RYR3: variants seen among roughly 807,000 people sequenced by gnomAD.
RYR3 encodes the protein brain ryanodine receptor-calcium release channel.
A neutral mutation model predicts 584.3 loss-of-function variants in RYR3; 207 were observed. The observed-to-expected ratio is 0.35, with a 90% CI of 0.32 to 0.40. RYR3 has a LOEUF of 0.40. RYR3 is among the 10% of genes least tolerant of loss of function. The pLI is 1.00. For synonymous variants in RYR3, 2,416 were observed against 2,248.5 expected (o/e 1.07, Z -2.11); for missense variants, 5,616 against 6,089.2 (o/e 0.92, Z 2.59).
At chr15:33,606,761 C>T (rs748698877) in intron 18 of RYR3, among the ~76,000 whole-genome samples, 101 of 152,090 alleles carry the variant, frequency 6.6e-4, no homozygotes, top group Non-Finnish European at 1.0e-3. Context: ...TCAGAGCAGC[C>T]TACACAGTAT....
chr15:33,752,882 C>T (rs2071453891), intron 57 of RYR3, among the ~76,000 whole-genome samples: 1 of 151,958 alleles, frequency 6.6e-6, no homozygotes, highest in African/African-American at 2.4e-5. Flanking sequence ...CATTTGATAC[C>T]TTATTTGATA....
At chr15:33,586,903 G>T (rs935248764) in intron 16 of RYR3, among the ~76,000 whole-genome samples, 2 of 152,066 alleles carry the variant, frequency 1.3e-5, no homozygotes, top group East Asian at 3.8e-4. Context: ...GATATTCAAC[G>T]GCTCAGGAGG....
rs769489461 is a variant in RYR3, at chr15:33,748,215, A to T, written c.8091A>T (p.Gln2697His). The T allele has an allele frequency of 1.9e-6, 3 of 1,613,994 alleles. No individual in the cohort carries two copies. The highest frequency in any genetic ancestry group is 2.5e-6 in the Non-Finnish European group (3 of 1,179,892). The change falls in exon 54 of 104, where the codon CAA (glutamine) becomes CAT (histidine). Residue 2697 changes from glutamine to histidine, a missense_variant. Gln to His is a conservative substitution (Grantham distance 24). Coordinates refer to ENST00000634891, the MANE Select transcript of RYR3 (RefSeq NM_001036.6). ...CCAAAGAGGGAGAAGCTTTGGTTCAACAGCGGGAAAATGAGAAGCTTCGAA... is the reference window on the plus strand; with the variant it reads ...CCAAAGAGGGAGAAGCTTTGGTTCATCAGCGGGAAAATGAGAAGCTTCGAA... Reference protein sequence around the residue: ...ERTKEGEALVQQRENEKLRSV... With the variant: ...ERTKEGEALVHQRENEKLRSV...
At chr15:33,862,591 G>A (rs1022995750) in intron 102 of RYR3, among the ~76,000 whole-genome samples, 4 of 152,250 alleles carry the variant, frequency 2.6e-5, no homozygotes, top group Middle Eastern at 3.4e-3. Flanking sequence ...TTTGCTGGGG[G>A]ATGAGTTTAA....
intron 1 of RYR3, among the ~76,000 whole-genome samples, chr15:33,373,988 G>A (rs1254435207): frequency 6.6e-6 from 1 of 152,082 alleles, no homozygotes; most frequent in Non-Finnish European, 1.5e-5. Context: ...TTTAGGTGAT[G>A]GTTTAAAATC....
intron 102 of RYR3, among the ~76,000 whole-genome samples, chr15:33,863,177 A>T (rs1461271934): frequency 6.6e-6 from 1 of 152,076 alleles, no homozygotes; most frequent in East Asian, 1.9e-4. Context: ...GAAAGAACCC[A>T]ATTTTATTCG....
chr15:33,613,173 T>C lies in RYR3; in HGVS notation c.2165-10T>C. ...GTTCCACAGCCTTCTTCCTGTTCTT[T>C]CCTCACCAGGCCGGATACCCAGAGC... On this transcript the variant is annotated splice_polypyrimidine_tract_variant and intron_variant, in intron 18 of 103. Coordinates refer to ENST00000634891, the MANE Select transcript of RYR3 (RefSeq NM_001036.6). The C allele has an allele frequency of 6.2e-7, 1 of 1,611,466 alleles. No individual in the cohort carries two copies. Among genetic ancestry groups the C allele is most frequent in the Non-Finnish European group, 8.5e-7 (1 of 1,178,262 alleles).
intron 43 of RYR3, among the ~76,000 whole-genome samples, chr15:33,708,095 T>C (rs2066846341): frequency 6.6e-6 from 1 of 152,224 alleles, no homozygotes; most frequent in Non-Finnish European, 1.5e-5. Context: ...CCTTCTTGTT[T>C]ATCACCAGCT....
At chr15:33,818,272 T>C (rs1006801167) in intron 75 of RYR3, among the ~76,000 whole-genome samples, 1 of 152,198 alleles carries the variant, frequency 6.6e-6, no homozygotes, top group African/African-American at 2.4e-5. Context: ...GGTCAGCTGA[T>C]TGGAGTCTGT....
rs560264002 is a variant in RYR3 at position 33,390,351 on chromosome 15, C to T, written c.51+79255C>T. Reference sequence around the variant, plus strand: ...AGTATACCTGGGGGTCTCTAAATTTCACCTGACCTATTGAACACTAATATT... The same window carrying T: ...AGTATACCTGGGGGTCTCTAAATTTTACCTGACCTATTGAACACTAATATT... On this transcript the variant is annotated intron_variant, in intron 1 of 103. Transcript: ENST00000634891. This position sits in a 1 kb window ranked among gnomAD's most constrained non-coding sequence, Gnocchi z 4.2. Among the ~76,000 whole-genome samples the T allele has an allele frequency of 6.6e-6, 1 of 152,340 alleles. No individual in the cohort carries two copies. The highest frequency in any genetic ancestry group is 1.5e-5 in the Non-Finnish European group (1 of 68,042).
intron 1 of RYR3, among the ~76,000 whole-genome samples, chr15:33,423,928 T>C (rs919349448): frequency 3.9e-5 from 6 of 152,192 alleles, no homozygotes; most frequent in African/African-American, 1.4e-4. Flanking sequence ...TGAAATATCC[T>C]CCAATGCACC....
intron 38 of RYR3, among the ~76,000 whole-genome samples, chr15:33,688,856 C>T (rs2065203815): frequency 6.6e-6 from 1 of 152,068 alleles, no homozygotes; most frequent in Admixed American, 6.6e-5. Context: ...ACCATTTGAT[C>T]CGGCAATCCC....
Position 33,689,767 on chromosome 15 carries a change from G to A in RYR3, c.5861-6451G>A, listed in dbSNP as rs1156457799. Among the ~76,000 whole-genome samples, 3 of 103,778 alleles carry A rather than the reference G, an allele frequency of 2.9e-5. No homozygotes were observed. The Admixed American group carries it at 3.8e-4, about 13-fold the overall frequency. The allele number at this position is 103,778 out of a possible 152,430, so 68.1% of individuals were successfully genotyped here. A position where few individuals can be genotyped will look rare whatever the true frequency, so the allele number is the denominator to read the frequency against. The stretch of plus-strand genomic sequence containing the variant: ...TACTATAGGAGTTATACCTTCTTAT[G>A]AATTGTCTTATTTCCTAATTGTCTG... On this transcript the variant is annotated intron_variant, in intron 38 of 103. Transcript: ENST00000634891.
chr15:33,791,258 T>C (rs2075136896), intron 67 of RYR3, among the ~76,000 whole-genome samples: 1 of 152,070 alleles, frequency 6.6e-6, no homozygotes, highest in African/African-American at 2.4e-5. Context: ...GCTATGAACA[T>C]GTAAGAGAGA....
At chr15:33,815,624 C>T (rs1014706583) in intron 74 of RYR3, among the ~76,000 whole-genome samples, 3 of 152,172 alleles carry the variant, frequency 2.0e-5, no homozygotes, top group East Asian at 1.9e-4. Flanking sequence ...TTTAGAGGGG[C>T]TGCTATGGGT....
Position 33,406,236 on chromosome 15 carries a change from C to G in RYR3, c.52-67183C>G, listed in dbSNP as rs537792033. On this transcript the variant is annotated intron_variant, in intron 1 of 103. Transcript: ENST00000634891. ...ATCCCATTGGATGCCAAGGAAATGC[C>G]TTCTTTTTTTACCACCTTCTCTGAT... Among the ~76,000 whole-genome samples, 6 of 152,308 alleles carry G rather than the reference C, an allele frequency of 3.9e-5. 1 individual carries two copies. In the South Asian group the frequency reaches 6.2e-4, roughly 16 times the overall value.
intron 1 of RYR3, among the ~76,000 whole-genome samples, chr15:33,372,350 C>A (rs1005560105): frequency 4.1e-5 from 6 of 147,470 alleles, no homozygotes; most frequent in African/African-American, 1.5e-4. Flanking sequence ...CTCTGCCATG[C>A]CCGGCTAATT....
chr15:33,635,845 C>T (rs767078989), intron 26 of RYR3, 26 bp downstream of exon 26: 2 of 1,579,868 alleles, frequency 1.3e-6, no homozygotes, highest in South Asian at 1.1e-5. Context: ...TAGCAAACAC[C>T]CATCCTCAGA....
At chr15:33,660,733 G>A (rs1415548778) in intron 34 of RYR3, among the ~76,000 whole-genome samples, 1 of 152,214 alleles carries the variant, frequency 6.6e-6, no homozygotes, top group East Asian at 1.9e-4. Context: ...ACAGGAAGGG[G>A]AAGACTCTAG....
Sources: gnomAD v4.1 joint callset for allele counts (sites outside exome capture counted in the v4.1 genomes callset) on GRCh38, gnomAD v4.1.1 for gene constraint, Gnocchi (gnomAD v3.1) non-coding constraint, MANE v1.5 for transcripts, NCBI Gene and HGNC (gene_info 2026-07-23, HGNC 2026-07-21) for gene names.